The following RASGEF1B variants were observed in gnomAD, a reference collection of about 807,000 sequenced individuals.
RASGEF1B encodes the protein RasGEF domain family member 1B, also known as ras-GEF domain-containing family member 1B.
A neutral mutation model predicts 65.7 loss-of-function variants in RASGEF1B; 30 were observed. The ratio of observed to expected loss-of-function variants is 0.46; its 90% CI spans 0.34 to 0.62. The LOEUF is 0.62. Among genes scored for constraint, RASGEF1B ranks in the 20% least tolerant of loss-of-function variants. The probability of loss-of-function intolerance (pLI) is 0.01; values close to 1 mark genes in which losing one functional copy is unlikely to be tolerated. For synonymous variants in RASGEF1B, 175 were observed against 194.8 expected, an observed-to-expected ratio of 0.90 and a Z score of 0.85; for missense variants, 495 against 580.1, an observed-to-expected ratio of 0.85 and a Z score of 1.51.
At chr4:81,431,866 G>T (rs184248575) in intron 13 of RASGEF1B, among the ~76,000 whole-genome samples, 4 of 152,138 alleles carry the variant, frequency 2.6e-5, no homozygotes, top group African/African-American at 9.7e-5. Flanking sequence ...CTCAAACAAA[G>T]AGGGGACTGA....
At chr4:81,447,269 C>A (rs1027513127) in intron 6 of RASGEF1B, among the ~76,000 whole-genome samples, 3 of 152,056 alleles carry the variant, frequency 2.0e-5, no homozygotes, top group Admixed American at 1.3e-4. Flanking sequence ...TACTAAATTT[C>A]CCAATAAGGA....
chr4:81,436,990 G>A (rs1393878491), intron 10 of RASGEF1B, among the ~76,000 whole-genome samples: 7 of 152,010 alleles, frequency 4.6e-5, no homozygotes, highest in African/African-American at 1.2e-4. Flanking sequence ...TCCTTCTAAC[G>A]TGATTAGCTA....
intron 10 of RASGEF1B, among the ~76,000 whole-genome samples, chr4:81,437,245 A>T (rs776447363): frequency 6.6e-6 from 1 of 152,166 alleles, no homozygotes; most frequent in Non-Finnish European, 1.5e-5. Context: ...GCTAAAAAAT[A>T]AAAAAATAAT....
intron 10 of RASGEF1B, among the ~76,000 whole-genome samples, chr4:81,440,478 C>T (rs80113055): frequency 0.038 from 5,814 of 152,240 alleles, 355 homozygotes; most frequent in African/African-American, 0.13. Context: ...TATATTAAGT[C>T]GGCTACCTTG....
intron 11 of RASGEF1B, 30 bp downstream of exon 11, chr4:81,434,609 G>C (rs1180527161): frequency 7.3e-7 from 1 of 1,371,136 alleles, no homozygotes; most frequent in Non-Finnish European, 1.0e-6. Context: ...CTTGTGCTTG[G>C]ATTTTTGTAT....
chr4:81,447,581 G>C lies in RASGEF1B; in HGVS notation c.655-3C>G. 1 of 1,612,816 alleles carries C rather than the reference G, an allele frequency of 6.2e-7. No individual in the cohort carries two copies. The highest frequency in any genetic ancestry group is 8.5e-7 in the Non-Finnish European group (1 of 1,178,958). ...GGCCCAATATAATTGAGCCTCTCCT[G>C]AAACACAAACCCAGAAGGTCAACAG... On this transcript the variant is annotated splice_polypyrimidine_tract_variant and splice_region_variant and intron_variant, in intron 5 of 13. Transcript: ENST00000264400.
At chr4:81,469,276 T>C (rs1028701967) in intron 1 of RASGEF1B, among the ~76,000 whole-genome samples, 6 of 152,194 alleles carry the variant, frequency 3.9e-5, no homozygotes, top group Admixed American at 2.6e-4. Flanking sequence ...TCAAGGATTC[T>C]AGATTCTTCT....
intron 1 of RASGEF1B, among the ~76,000 whole-genome samples, chr4:81,464,989 C>T (rs577874921): frequency 7.9e-5 from 12 of 151,030 alleles, no homozygotes; most frequent in East Asian, 2.0e-4. Flanking sequence ...GAGGCTGAGG[C>T]GGGAGAATCG....
In RASGEF1B at chr4:81,433,871, ATACT is replaced by A; in HGVS notation, c.1289_1292del (p.Gln430LeufsTer27). 1 of 1,614,092 alleles carries A rather than the reference ATACT, an allele frequency of 6.2e-7. No individual in the cohort carries two copies. The highest frequency in any genetic ancestry group is 8.5e-7 in the Non-Finnish European group (1 of 1,179,970). The stretch of plus-strand genomic sequence containing the variant: ...CACTGAAGACTGGTACTGTGAGCAG[ATACT>A]GCAAGATCTTCCGGTCCCTCTCAAA... On this transcript the variant is annotated frameshift_variant, in exon 12 of 14. Coordinates refer to ENST00000264400, the MANE Select transcript of RASGEF1B (RefSeq NM_152545.3). LOFTEE classifies it high-confidence loss of function.
At chr4:81,435,087 T>A (rs1217403718) in intron 10 of RASGEF1B, among the ~76,000 whole-genome samples, 1 of 152,172 alleles carries the variant, frequency 6.6e-6, no homozygotes, top group Non-Finnish European at 1.5e-5. Context: ...TGCCTTTCAC[T>A]TAGCAACCCC....
intron 4 of RASGEF1B, chr4:81,455,886 TC>T (rs1459245349): frequency 6.6e-6 from 1 of 152,254 alleles, no homozygotes; most frequent in East Asian, 1.9e-4. Flanking sequence ...AGTCTTCTCC[TC>T]CCCCAAGAAT....
Position 81,460,298 on chromosome 4 carries a change from C to T in RASGEF1B, c.-6-784G>A, listed in dbSNP as rs556227416. Among the ~76,000 whole-genome samples the T allele has an allele frequency of 2.0e-4, 30 of 152,314 alleles. 1 individual carries two copies. In the South Asian group the frequency reaches 5.8e-3, roughly 29 times the overall value. ...TTCACAAAGGCCTTGTCAGAGGGTG[C>T]TCTGCAGAGGCCAGAGGCTATTAAG... On this transcript the variant is annotated intron_variant, in intron 1 of 13. Coordinates refer to ENST00000264400, the MANE Select transcript of RASGEF1B (RefSeq NM_152545.3).
In RASGEF1B at chr4:81,433,869, AG is replaced by A; in HGVS notation, c.1294del (p.Leu432CysfsTer26). ...FERDRKILQYLLTVPVFSEDA... is the reference protein window; with the variant it reads ...FERDRKILQYXLTVPVFSEDA... ...TTCACTGAAGACTGGTACTGTGAGC[AG>A]ATACTGCAAGATCTTCCGGTCCCTC... On this transcript the variant is annotated frameshift_variant, in exon 12 of 14. Coordinates refer to ENST00000264400, the MANE Select transcript of RASGEF1B (RefSeq NM_152545.3). LOFTEE classifies it high-confidence loss of function. The A allele has an allele frequency of 6.2e-7, 1 of 1,614,096 alleles. No homozygotes were observed. Among genetic ancestry groups the A allele is most frequent in the Non-Finnish European group, 8.5e-7 (1 of 1,179,960 alleles).
chr4:81,466,770 AAAAGAAAGAAAGAAAGAAAG>A lies in RASGEF1B; in HGVS notation c.-7+4980_-7+4999del, dbSNP rs1553947087. Reference sequence around the variant, plus strand: ...CAAGCCTCCATGTCAAAAAAAAAAAAAAAGAAAGAAAGAAAGAAAGAAAGAAAGAAAGAAAGAAAGAAAGA... The same window carrying A: ...CAAGCCTCCATGTCAAAAAAAAAAAAAAAGAAAGAAAGAAAGAAAGAAAGA... On this transcript the variant is annotated intron_variant, in intron 1 of 13. Transcript: ENST00000264400. Among the ~76,000 whole-genome samples, 102 of 36,096 alleles carry A rather than the reference AAAAGAAAGAAAGAAAGAAAG, an allele frequency of 2.8e-3. 2 individuals are homozygous for A. The highest frequency in any genetic ancestry group is 9.5e-3 in the African/African-American group (100 of 10,534). 23.7% of individuals were successfully genotyped at this position (36,096 alleles called of 152,430 possible). A position where few individuals can be genotyped will look rare whatever the true frequency, so the allele number is the denominator to read the frequency against.
intron 10 of RASGEF1B, among the ~76,000 whole-genome samples, chr4:81,437,668 G>T (rs1721677773): frequency 6.6e-6 from 1 of 152,020 alleles, no homozygotes. Flanking sequence ...TGCATTCAGG[G>T]GTGCCTGCAA....
chr4:81,434,252 T>C (rs984535587), intron 11 of RASGEF1B, among the ~76,000 whole-genome samples: 4 of 152,120 alleles, frequency 2.6e-5, no homozygotes, highest in African/African-American at 9.7e-5. Flanking sequence ...AGGGTCTCAC[T>C]GTTGCCCACG....
intron 4 of RASGEF1B, chr4:81,452,729 C>T (rs1368700039): frequency 6.6e-6 from 1 of 152,048 alleles, no homozygotes; most frequent in Non-Finnish European, 1.5e-5. Flanking sequence ...CAGTAATTAC[C>T]TGGCAAATAA....
At chr4:81,434,519 A>G (rs1578612024) in intron 11 of RASGEF1B, 120 bp downstream of exon 11, 1 of 695,098 alleles carries the variant, frequency 1.4e-6, no homozygotes, top group East Asian at 2.7e-5. Flanking sequence ...TAATATGGAA[A>G]GAGATAATTT....
At chr4:81,447,160 C>A (rs1010438472) in intron 6 of RASGEF1B, among the ~76,000 whole-genome samples, 9 of 152,180 alleles carry the variant, frequency 5.9e-5, no homozygotes, top group Non-Finnish European at 1.2e-4. Context: ...ATGGGCAGAA[C>A]CTTCTCTCTT....
Sources: gnomAD v4.1 joint callset for allele counts (sites outside exome capture counted in the v4.1 genomes callset) on GRCh38, gnomAD v4.1.1 for gene constraint, MANE v1.5 for transcripts, NCBI Gene and HGNC (gene_info 2026-07-23, HGNC 2026-07-21) for gene names.